The following PDE3A variants were observed in gnomAD, a reference collection of about 807,000 sequenced individuals.
PDE3A encodes the protein cGMP-inhibited 3',5'-cyclic phosphodiesterase 3A.
Under a neutral mutation model 98.3 loss-of-function variants are expected in PDE3A, and 43 were observed. The observed-to-expected ratio is 0.44, with a 90% confidence interval of 0.34 to 0.56. PDE3A has a LOEUF of 0.56. PDE3A is among the 20% of genes least tolerant of loss of function. PDE3A has a pLI of 0.01. For missense variants in PDE3A, 1,427 were observed against 1,440.7 expected (o/e 0.99, Z 0.15); for synonymous variants, 663 against 567.9 (o/e 1.17, Z -2.38).
chr12:20,390,410 T>C lies in PDE3A; in HGVS notation c.960+20166T>C, dbSNP rs1943890641. The stretch of plus-strand genomic sequence containing the variant: ...ATTGTGAAAGTCCTGGGTAGAGACA[T>C]TGAAGATTTATTAAGATAGTAGTGG... On this transcript the variant is annotated intron_variant, in intron 1 of 15. Transcript: ENST00000359062. Among the ~76,000 whole-genome samples, 3 of 150,554 alleles carry C rather than the reference T, an allele frequency of 2.0e-5. No homozygotes were observed. In the South Asian group the frequency reaches 6.3e-4, roughly 32 times the overall value.
rs1375529792 is a variant in PDE3A at position 20,552,922 on chromosome 12, G to A, written c.961-3738G>A. 6.3e-7 allele frequency: 1 copy of A among 1,581,988 alleles called. No individual in the cohort carries two copies. The highest frequency in any genetic ancestry group is 1.4e-5 in the African/African-American group (1 of 74,050). On this transcript the variant is annotated intron_variant, in intron 1 of 15. Transcript: ENST00000359062. The surrounding 1 kb of genome is among the most constrained non-coding windows in gnomAD (Gnocchi z 5.1). ...GTTCAGCTGCCCTGCCTGCCGCTAC[G>A]ACCTGGGCCGCAGCTATGCCATGCA...
intron 1 of PDE3A, among the ~76,000 whole-genome samples, chr12:20,469,020 C>T (rs143883481): frequency 9.9e-5 from 15 of 152,274 alleles, no homozygotes; most frequent in African/African-American, 3.6e-4. Flanking sequence ...AAGTCCAAAG[C>T]CTTGAAGCTC....
intron 1 of PDE3A, among the ~76,000 whole-genome samples, chr12:20,517,026 T>C (rs1373618510): frequency 2.0e-5 from 3 of 152,352 alleles, no homozygotes; most frequent in African/African-American, 7.2e-5. Flanking sequence ...GATTTGCTCG[T>C]GTCTCACAGG....
chr12:20,599,743 G>A (rs967918659), intron 2 of PDE3A, among the ~76,000 whole-genome samples: 1 of 152,082 alleles, frequency 6.6e-6, no homozygotes, highest in Non-Finnish European at 1.5e-5. Flanking sequence ...TTTAGACCCT[G>A]TTTTCCCTCT....
At chr12:20,666,632 T>G (rs1476465298) in intron 15 of PDE3A, among the ~76,000 whole-genome samples, 1 of 152,234 alleles carries the variant, frequency 6.6e-6, no homozygotes, top group Non-Finnish European at 1.5e-5. Context: ...TGTCTGAATA[T>G]TATTCCATTG....
chr12:20,470,778 C>A (rs543586402), intron 1 of PDE3A, among the ~76,000 whole-genome samples: 132 of 152,146 alleles, frequency 8.7e-4, no homozygotes, highest in Middle Eastern at 3.4e-3. Flanking sequence ...CCTTTTCCCC[C>A]CAACCCGAAT....
intron 1 of PDE3A, among the ~76,000 whole-genome samples, chr12:20,370,703 A>G (rs1943456736): frequency 6.6e-6 from 1 of 152,214 alleles, no homozygotes; most frequent in African/African-American, 2.4e-5. Context: ...TTTTAATGAA[A>G]TGATATTAAA....
intron 1 of PDE3A, among the ~76,000 whole-genome samples, chr12:20,436,457 A>C (rs539639408): frequency 6.6e-6 from 1 of 152,294 alleles, no homozygotes; most frequent in Admixed American, 6.5e-5. Context: ...TTTTTTCCCA[A>C]GACTTTTATG....
At chr12:20,631,208 A>G (rs569144467) in intron 6 of PDE3A, among the ~76,000 whole-genome samples, 11 of 152,132 alleles carry the variant, frequency 7.2e-5, no homozygotes, top group Non-Finnish European at 1.0e-4. Context: ...GCTGCCCTCT[A>G]TGAGTTTTTT....
intron 1 of PDE3A, among the ~76,000 whole-genome samples, chr12:20,540,626 C>T (rs142151572): frequency 9.2e-5 from 14 of 152,042 alleles, no homozygotes; most frequent in East Asian, 1.9e-4. Flanking sequence ...TTTTCAAATG[C>T]GACTTTCTGA....
chr12:20,504,227 A>G (rs1591996281), intron 1 of PDE3A, among the ~76,000 whole-genome samples: 1 of 151,852 alleles, frequency 6.6e-6, no homozygotes, highest in Non-Finnish European at 1.5e-5. Context: ...GCAGATAAAC[A>G]TGTGTATCTA....
chr12:20,447,307 G>C (rs1382163162), intron 1 of PDE3A, among the ~76,000 whole-genome samples: 4 of 152,186 alleles, frequency 2.6e-5, no homozygotes, highest in African/African-American at 7.2e-5. Context: ...CTGTCATACA[G>C]CTCCTAAAAC....
intron 2 of PDE3A, among the ~76,000 whole-genome samples, chr12:20,582,068 GT>G (rs1943081807): frequency 6.6e-6 from 1 of 151,910 alleles, no homozygotes; most frequent in Non-Finnish European, 1.5e-5. Flanking sequence ...CTCTTAGCAA[GT>G]TTTTGTTTTC....
rs1443975206 is a variant in PDE3A, at chr12:20,681,665, CT to C, written c.*1395del. ...TGGCCCATTGTCAGTCATGCTTCTT[CT>C]GGCCGGGGAGATTATAGAGAGATTG... On this transcript the variant is annotated 3_prime_UTR_variant, in exon 16 of 16. Coordinates refer to ENST00000359062, the MANE Select transcript of PDE3A (RefSeq NM_000921.5). The C allele has an allele frequency of 6.6e-6, 1 of 152,132 alleles. No individual in the cohort carries two copies. Among genetic ancestry groups the C allele is most frequent in the East Asian group, 1.9e-4 (1 of 5,172 alleles). 9.4% of individuals were successfully genotyped at this position (152,132 alleles called of 1,614,324 possible).
intron 3 of PDE3A, among the ~76,000 whole-genome samples, chr12:20,615,151 G>A (rs774848541): frequency 1.3e-5 from 2 of 148,812 alleles, no homozygotes; most frequent in Non-Finnish European, 3.0e-5. Flanking sequence ...TGATCCACCC[G>A]CCTTGGCCTC....
At chr12:20,512,361 CA>C (rs1206350227) in intron 1 of PDE3A, among the ~76,000 whole-genome samples, 1 of 152,048 alleles carries the variant, frequency 6.6e-6, no homozygotes, top group Admixed American at 6.6e-5. Flanking sequence ...ATCCGCTCTG[CA>C]AATTATACAC....
chr12:20,432,047 C>G (rs1944707033), intron 1 of PDE3A, among the ~76,000 whole-genome samples: 1 of 151,986 alleles, frequency 6.6e-6, no homozygotes, highest in Non-Finnish European at 1.5e-5. Flanking sequence ...TGATAATGTG[C>G]CAATGACAAT....
At chr12:20,516,033 A>ATTTTTT (rs200516348) in intron 1 of PDE3A, among the ~76,000 whole-genome samples, 3 of 138,548 alleles carry the variant, frequency 2.2e-5, no homozygotes, top group African/African-American at 7.8e-5. Context: ...CGCCCGGCCT[A>ATTTTTT]TTTTTTTTTT....
intron 8 of PDE3A, among the ~76,000 whole-genome samples, chr12:20,635,989 T>G (rs1450722124): frequency 6.6e-6 from 1 of 152,014 alleles, no homozygotes; most frequent in African/African-American, 2.4e-5. Context: ...TATAGGAAAA[T>G]GTATTATTTC....
Sources: allele counts gnomAD v4.1 joint callset (sites outside exome capture counted in the v4.1 genomes callset), GRCh38; gene constraint gnomAD v4.1.1; non-coding constraint Gnocchi (gnomAD v3.1); transcripts MANE v1.5; gene names NCBI Gene and HGNC (gene_info 2026-07-23, HGNC 2026-07-21).